The following STAG1 variants were observed in gnomAD, a reference collection of about 807,000 sequenced individuals.
STAG1 encodes STAG1 cohesin complex component, also known as cohesin subunit SA-1.
In STAG1, 26 loss-of-function variants were observed where a neutral mutation model predicts 170.9. That is an observed-to-expected ratio of 0.15 (90% CI 0.11 to 0.21). The LOEUF is 0.21. Ranked by LOEUF, STAG1 falls within the 10% of genes least tolerant of loss-of-function variation. The pLI is 1.00. For synonymous variants in STAG1, 514 were observed against 497.7 expected (o/e 1.03, Z -0.44); for missense variants, 964 against 1,509.5 (o/e 0.64, Z 5.99).
chr3:136,351,970 A>T (rs924851047), intron 28 of STAG1, among the ~76,000 whole-genome samples: 3 of 152,170 alleles, frequency 2.0e-5, no homozygotes, highest in African/African-American at 7.2e-5. Flanking sequence ...AAACAAAGGA[A>T]AAAAGATCTG....
chr3:136,711,621 A>C (rs1943384778), intron 1 of STAG1, among the ~76,000 whole-genome samples: 1 of 152,222 alleles, frequency 6.6e-6, no homozygotes, highest in Admixed American at 6.5e-5. Flanking sequence ...ATTAAGCTCA[A>C]TAAATGAGGC....
intron 20 of STAG1, 120 bp downstream of exon 20, chr3:136,420,973 T>C (rs1195478683): frequency 1.6e-5 from 9 of 546,468 alleles, no homozygotes; most frequent in South Asian, 6.3e-5. Context: ...ACAGACAGGG[T>C]TTCGCCAGGC....
intron 6 of STAG1, among the ~76,000 whole-genome samples, chr3:136,532,222 C>T (rs553924147): frequency 6.6e-6 from 1 of 152,220 alleles, no homozygotes; most frequent in South Asian, 2.1e-4. Context: ...TATACACTAA[C>T]AAATTGCTTG....
intron 6 of STAG1, among the ~76,000 whole-genome samples, chr3:136,538,192 AAAT>A (rs1473706190): frequency 3.3e-5 from 5 of 152,202 alleles, no homozygotes; most frequent in African/African-American, 4.8e-5. Flanking sequence ...ACTTTTACAC[AAAT>A]AATGATAGCG....
At chr3:136,439,722 C>T (rs969931863) in intron 15 of STAG1, among the ~76,000 whole-genome samples, 1 of 152,198 alleles carries the variant, frequency 6.6e-6, no homozygotes, top group Non-Finnish European at 1.5e-5. Context: ...TGTGGTACAA[C>T]ATGCATAGAG....
At chr3:136,560,902 C>A (rs1936811706) in intron 5 of STAG1, among the ~76,000 whole-genome samples, 1 of 152,110 alleles carries the variant, frequency 6.6e-6, no homozygotes, top group Admixed American at 6.6e-5. Context: ...GTTGGTGATA[C>A]CACTTCTAGC....
At chr3:136,663,127 C>T (rs1365805824) in intron 1 of STAG1, among the ~76,000 whole-genome samples, 1 of 151,802 alleles carries the variant, frequency 6.6e-6, no homozygotes, top group Non-Finnish European at 1.5e-5. Flanking sequence ...AATAAATAAA[C>T]CTACACAGCC....
chr3:136,521,114 A>C, intron 7 of STAG1, 99 bp downstream of exon 7: 4 of 992,804 alleles, frequency 4.0e-6, no homozygotes, highest in Non-Finnish European at 4.4e-6. Context: ...GTTTTATTCT[A>C]ATTAAATTTT....
At chr3:136,579,958 ATTTTTT>A (rs749325884) in intron 4 of STAG1, among the ~76,000 whole-genome samples, 11 of 73,644 alleles carry the variant, frequency 1.5e-4, no homozygotes, top group African/African-American at 4.1e-4. Flanking sequence ...TACCATCTGA[ATTTTTT>A]TTTTTTTTTT....
chr3:136,670,141 A>G (rs935043509), intron 1 of STAG1, among the ~76,000 whole-genome samples: 1 of 152,244 alleles, frequency 6.6e-6, no homozygotes, highest in African/African-American at 2.4e-5. Context: ...TTGATATTAT[A>G]GAATCATCCA....
chr3:136,413,410 TA>T (rs1364566739), intron 21 of STAG1, among the ~76,000 whole-genome samples: 1 of 150,962 alleles, frequency 6.6e-6, no homozygotes, highest in African/African-American at 2.4e-5. Flanking sequence ...AAATTTATTT[TA>T]AAAAATTATT....
chr3:136,542,297 T>G (rs770147519), intron 5 of STAG1, 102 bp from the exon 6 acceptor site: 1 of 814,806 alleles, frequency 1.2e-6, no homozygotes, highest in Non-Finnish European at 2.0e-6. Flanking sequence ...CCCAAAAGAA[T>G]AACCTTCCAA....
At chr3:136,438,488 G>C (rs1287004411) in intron 15 of STAG1, among the ~76,000 whole-genome samples, 1 of 152,090 alleles carries the variant, frequency 6.6e-6, no homozygotes, top group Non-Finnish European at 1.5e-5. Flanking sequence ...GCTCCCCAAA[G>C]TGCTAGGATT....
chr3:136,606,540 G>A (rs1218610277), intron 3 of STAG1, among the ~76,000 whole-genome samples: 2 of 151,978 alleles, frequency 1.3e-5, no homozygotes, highest in Non-Finnish European at 2.9e-5. Context: ...GTCCATCCAG[G>A]ATACAATATT....
At position 136,464,931 on chromosome 3, in the gene STAG1, G is replaced by A. The variant is rs148231821; in HGVS notation, c.1263C>T (p.Tyr421=). Residue 421 remains tyrosine, a synonymous_variant, in exon 13 of 34, where the codon TAC becomes TAT. Transcript: ENST00000383202. ...CCACAGCAACAGGGCGATGTGCCGA[G>A]TACACCAAGTGGTAAACATTTTCAC... The part of the protein sequence containing the change: ...EDCENVYHLV[Y]SAHRPVAVAA... The A allele has an allele frequency of 1.2e-6, 2 of 1,612,960 alleles. No individual in the cohort carries two copies. Among genetic ancestry groups the A allele is most frequent in the African/African-American group, 2.7e-5 (2 of 75,028 alleles).
chr3:136,625,310 C>T (rs997078845), intron 2 of STAG1, among the ~76,000 whole-genome samples: 9 of 152,174 alleles, frequency 5.9e-5, no homozygotes, highest in South Asian at 4.1e-4. Flanking sequence ...TATTACACTC[C>T]CTTGGAGATT....
At chr3:136,343,613 A>G (rs557538299) in intron 30 of STAG1, among the ~76,000 whole-genome samples, 1 of 152,322 alleles carries the variant, frequency 6.6e-6, no homozygotes, top group African/African-American at 2.4e-5. Flanking sequence ...ACCTGGTGAG[A>G]CACCGTACAT....
chr3:136,407,823 G>C (rs1163322790), intron 21 of STAG1, among the ~76,000 whole-genome samples: 2 of 151,136 alleles, frequency 1.3e-5, no homozygotes, highest in East Asian at 2.0e-4. Flanking sequence ...TTGAACCTAG[G>C]AGGTGGAGGT....
chr3:136,688,407 TTTC>T (rs1034309552), intron 1 of STAG1, among the ~76,000 whole-genome samples: 7 of 152,164 alleles, frequency 4.6e-5, no homozygotes, highest in African/African-American at 1.4e-4. Flanking sequence ...TAATTTTTTT[TTTC>T]TTTTTTTGAG....
Sources: allele counts gnomAD v4.1 joint callset (sites outside exome capture counted in the v4.1 genomes callset), GRCh38; gene constraint gnomAD v4.1.1; transcripts MANE v1.5; gene names NCBI Gene and HGNC (gene_info 2026-07-23, HGNC 2026-07-21).